The following XRCC4 variants were observed in gnomAD, a reference collection of about 807,000 sequenced individuals.
XRCC4 encodes X-ray repair cross complementing 4, also known as DNA repair protein XRCC4.
Under a neutral mutation model 39.1 loss-of-function variants are expected in XRCC4, and 28 were observed. The ratio of observed to expected loss-of-function variants is 0.72; its 90% confidence interval spans 0.53 to 0.98. The LOEUF is 0.98. XRCC4 is among the 50% of genes least tolerant of loss of function. The pLI, the probability that XRCC4 is intolerant of heterozygous loss-of-function variation, is 0.00. For missense variants in XRCC4, 350 were observed against 376.4 expected (o/e 0.93, Z 0.58); for synonymous variants, 123 against 126.4 (o/e 0.97, Z 0.18).
Position 83,285,134 on chromosome 5 carries a change from G to T in XRCC4, c.893+26457G>T, listed in dbSNP as rs923644785. On this transcript the variant is annotated intron_variant, in intron 7 of 7. Transcript: ENST00000396027. ...AAATGAAGACATATACCCTAGAATT[G>T]TTTACAGCTTAATAAAAAGCAAGTT... Among the ~76,000 whole-genome samples, 7 of 152,154 alleles carry T rather than the reference G, an allele frequency of 4.6e-5. No individual in the cohort carries two copies. The East Asian group carries it at 1.4e-3, about 29-fold the overall frequency.
intron 7 of XRCC4, among the ~76,000 whole-genome samples, chr5:83,272,889 G>A (rs568258847): frequency 6.6e-6 from 1 of 152,308 alleles, no homozygotes; most frequent in South Asian, 2.1e-4. Flanking sequence ...ATAAACATAA[G>A]TGTGCATGTG....
intron 6 of XRCC4, among the ~76,000 whole-genome samples, chr5:83,245,779 A>T (rs1753076807): frequency 6.6e-6 from 1 of 152,024 alleles, no homozygotes; most frequent in Non-Finnish European, 1.5e-5. Flanking sequence ...ACTTTAGAAA[A>T]GTTTCAGTAA....
intron 7 of XRCC4, among the ~76,000 whole-genome samples, chr5:83,318,235 C>A (rs551105793): frequency 9.0e-5 from 12 of 133,086 alleles, no homozygotes. Context: ...ATGACAAACC[C>A]ACAGCCAATA....
At chr5:83,160,291 C>T (rs1749144566) in intron 3 of XRCC4, among the ~76,000 whole-genome samples, 3 of 152,078 alleles carry the variant, frequency 2.0e-5, no homozygotes, top group Admixed American at 2.0e-4. Flanking sequence ...ACTGAAGTCA[C>T]CTATGCATAT....
At chr5:83,121,356 A>G (rs945758474) in intron 3 of XRCC4, among the ~76,000 whole-genome samples, 2 of 152,204 alleles carry the variant, frequency 1.3e-5, no homozygotes, top group African/African-American at 2.4e-5. Context: ...AAACTGCCCA[A>G]CAGTGTTCCA....
At chr5:83,143,414 C>T (rs1748276953) in intron 3 of XRCC4, among the ~76,000 whole-genome samples, 1 of 151,888 alleles carries the variant, frequency 6.6e-6, no homozygotes, top group Non-Finnish European at 1.5e-5. Context: ...CACAGGTATG[C>T]CATAAATATA....
intron 3 of XRCC4, among the ~76,000 whole-genome samples, chr5:83,130,756 A>T (rs924471724): frequency 2.0e-5 from 3 of 151,984 alleles, no homozygotes; most frequent in African/African-American, 7.2e-5. Flanking sequence ...TTTATTTGCG[A>T]AGAGGTGTTT....
chr5:83,163,517 CAAAAT>C (rs1163299659), intron 3 of XRCC4, among the ~76,000 whole-genome samples: 6 of 152,030 alleles, frequency 3.9e-5, no homozygotes, highest in Admixed American at 2.6e-4. Flanking sequence ...GCACTGTAAA[CAAAAT>C]AAAGCATTAA....
intron 3 of XRCC4, among the ~76,000 whole-genome samples, chr5:83,159,441 CAGAT>C (rs573425897): frequency 1.3e-5 from 2 of 152,036 alleles, no homozygotes; most frequent in Admixed American, 6.6e-5. Flanking sequence ...GTGAGTGAAA[CAGAT>C]AGGCATAGTG....
chr5:83,099,702 T>C (rs747908636), intron 1 of XRCC4, among the ~76,000 whole-genome samples: 4 of 152,190 alleles, frequency 2.6e-5, no homozygotes, highest in African/African-American at 7.2e-5. Context: ...ACCTGCAGGC[T>C]TGTCTTAGAT....
intron 7 of XRCC4, among the ~76,000 whole-genome samples, chr5:83,344,415 C>CTTTTTTTT (rs70973394): frequency 1.9e-4 from 22 of 115,224 alleles, no homozygotes; most frequent in African/African-American, 4.8e-4. Flanking sequence ...TTATTTTTCA[C>CTTTTTTTT]TTTTTTTTTT....
chr5:83,241,481 T>C (rs940492029), intron 6 of XRCC4, among the ~76,000 whole-genome samples: 1 of 152,218 alleles, frequency 6.6e-6, no homozygotes, highest in African/African-American at 2.4e-5. Flanking sequence ...CTCAGTTCAC[T>C]GATCTTTTTT....
At chr5:83,161,303 C>T (rs1306528880) in intron 3 of XRCC4, among the ~76,000 whole-genome samples, 6 of 151,830 alleles carry the variant, frequency 4.0e-5, no homozygotes, top group Admixed American at 6.6e-5. Flanking sequence ...TTTTGATTTT[C>T]GTATTTTTAG....
At chr5:83,134,402 G>A (rs1747776138) in intron 3 of XRCC4, among the ~76,000 whole-genome samples, 2 of 152,168 alleles carry the variant, frequency 1.3e-5, no homozygotes, top group Non-Finnish European at 2.9e-5. Context: ...CTAGCTAATT[G>A]GGTGGTGACT....
chr5:83,193,430 A>G (rs28360120), intron 3 of XRCC4, among the ~76,000 whole-genome samples: 2,280 of 152,314 alleles, frequency 0.015, 75 homozygotes, highest in African/African-American at 0.052. Context: ...AGATATAAAA[A>G]AAGTTGTATA....
intron 1 of XRCC4, among the ~76,000 whole-genome samples, chr5:83,086,933 A>T (rs1489619808): frequency 6.6e-6 from 1 of 152,148 alleles, no homozygotes; most frequent in Admixed American, 6.5e-5. Flanking sequence ...TATGTTCTTG[A>T]ATGTTCTAAT....
intron 7 of XRCC4, among the ~76,000 whole-genome samples, chr5:83,334,304 C>T (rs375656615): frequency 3.7e-4 from 56 of 152,220 alleles, no homozygotes; most frequent in African/African-American, 1.3e-3. Flanking sequence ...GGAATAAAAA[C>T]TTCCAGGAAC....
intron 7 of XRCC4, among the ~76,000 whole-genome samples, chr5:83,278,268 T>G (rs1423198982): frequency 1.3e-5 from 2 of 152,208 alleles, no homozygotes; most frequent in African/African-American, 4.8e-5. Context: ...TATGCAGAGA[T>G]TAACCACAAT....
chr5:83,288,949 ATTCTG>A (rs1754825561), intron 7 of XRCC4, among the ~76,000 whole-genome samples: 1 of 151,670 alleles, frequency 6.6e-6, no homozygotes, highest in Admixed American at 6.6e-5. Context: ...GTTCTTGGAT[ATTCTG>A]TTCTATTTTT....
Sources: allele counts gnomAD v4.1 joint callset (sites outside exome capture counted in the v4.1 genomes callset), GRCh38; gene constraint gnomAD v4.1.1; transcripts MANE v1.5; gene names NCBI Gene and HGNC (gene_info 2026-07-23, HGNC 2026-07-21).